CADM1: variants seen among roughly 807,000 people sequenced by gnomAD.
The protein encoded by CADM1 is cell adhesion molecule 1, also known as TSLC-1.
In CADM1, 15 loss-of-function variants were observed where a neutral mutation model predicts 53.1. The ratio of observed to expected loss-of-function variants is 0.28; its 90% CI spans 0.19 to 0.44. The LOEUF is 0.44. CADM1 is among the 20% of genes least tolerant of loss of function. The probability of loss-of-function intolerance (pLI) is 1.00; values close to 1 mark genes in which losing one functional copy is unlikely to be tolerated. For missense variants in CADM1, 434 were observed against 611.3 expected, an observed-to-expected ratio of 0.71 and a Z score of 3.06; for synonymous variants, 281 against 243.0, an observed-to-expected ratio of 1.16 and a Z score of -1.45.
chr11:115,493,705 C>T (rs77653045), intron 1 of CADM1, among the ~76,000 whole-genome samples: 6,032 of 152,214 alleles, frequency 0.04, 170 homozygotes, highest in Middle Eastern at 0.092. Context: ...GCAGTATCAG[C>T]TATGCAGGGT....
chr11:115,189,656 C>T (rs184728220), intron 10 of CADM1, among the ~76,000 whole-genome samples: 2 of 152,312 alleles, frequency 1.3e-5, no homozygotes, highest in East Asian at 3.9e-4. Flanking sequence ...AAATGAAACA[C>T]TCTCTTGATT....
intron 1 of CADM1, among the ~76,000 whole-genome samples, chr11:115,275,170 G>A (rs969903999): frequency 3.4e-4 from 51 of 152,108 alleles, no homozygotes; most frequent in African/African-American, 1.1e-3. Context: ...GCCCCTCCCC[G>A]TGGGAGCCAC....
At chr11:115,402,348 C>A (rs1347141668) in intron 1 of CADM1, among the ~76,000 whole-genome samples, 2 of 152,044 alleles carry the variant, frequency 1.3e-5, no homozygotes, top group Non-Finnish European at 2.9e-5. Flanking sequence ...TATGGTGAAA[C>A]CCTGTCTCTA....
chr11:115,280,887 A>C (rs1300736921), intron 1 of CADM1, among the ~76,000 whole-genome samples: 1 of 152,258 alleles, frequency 6.6e-6, no homozygotes, highest in East Asian at 1.9e-4. Flanking sequence ...TACCATGAGA[A>C]GTGACCTATC....
At chr11:115,375,978 A>G (rs908322786) in intron 1 of CADM1, among the ~76,000 whole-genome samples, 2 of 152,174 alleles carry the variant, frequency 1.3e-5, no homozygotes, top group African/African-American at 4.8e-5. Flanking sequence ...AAAGGTGGTT[A>G]TAATTATTAA....
chr11:115,296,533 T>C (rs1944083770), intron 1 of CADM1, among the ~76,000 whole-genome samples: 1 of 152,150 alleles, frequency 6.6e-6, no homozygotes. Context: ...GAGTGGGTTG[T>C]TATAAAGCCA....
intron 10 of CADM1, among the ~76,000 whole-genome samples, chr11:115,180,136 C>T (rs767579802): frequency 3.0e-4 from 45 of 152,244 alleles, no homozygotes; most frequent in Admixed American, 3.3e-4. Flanking sequence ...CCTGATACAA[C>T]GCTTTCAGCA....
intron 1 of CADM1, chr11:115,256,804 T>A: frequency 2.2e-6 from 1 of 456,092 alleles, no homozygotes; most frequent in Non-Finnish European, 4.4e-6. Flanking sequence ...AAGTTTGTTC[T>A]TATATGAAAG....
chr11:115,491,384 T>G (rs1949493302), intron 1 of CADM1, among the ~76,000 whole-genome samples: 2 of 151,858 alleles, frequency 1.3e-5, no homozygotes, highest in South Asian at 4.2e-4. Flanking sequence ...GCTAACACGG[T>G]GAAACCCCAT....
chr11:115,385,740 C>A (rs45608938), intron 1 of CADM1, among the ~76,000 whole-genome samples: 2 of 152,118 alleles, frequency 1.3e-5, no homozygotes, highest in African/African-American at 4.8e-5. Flanking sequence ...GTAGATAAAG[C>A]CTTAATTTCA....
chr11:115,350,509 C>CTT (rs34913142), intron 1 of CADM1, among the ~76,000 whole-genome samples: 4,267 of 138,002 alleles, frequency 0.031, 136 homozygotes, highest in Non-Finnish European at 0.039. Context: ...TTCTTTTTTT[C>CTT]TTTTTTTTTT....
chr11:115,367,641 T>C (rs1055888944), intron 1 of CADM1, among the ~76,000 whole-genome samples: 3 of 152,190 alleles, frequency 2.0e-5, no homozygotes, highest in Admixed American at 2.0e-4. Flanking sequence ...ACTTTTAGCA[T>C]ACTTATATGC....
chr11:115,347,883 A>G (rs1320912425), intron 1 of CADM1, among the ~76,000 whole-genome samples: 5 of 152,208 alleles, frequency 3.3e-5, no homozygotes, highest in African/African-American at 1.2e-4. Context: ...AGCCAATAGT[A>G]TCCTCCATTA....
intron 1 of CADM1, among the ~76,000 whole-genome samples, chr11:115,276,404 G>T (rs1054523515): frequency 6.6e-6 from 1 of 152,204 alleles, no homozygotes; most frequent in Non-Finnish European, 1.5e-5. Flanking sequence ...AGAAGGAAAA[G>T]AGGTAGCTGC....
At chr11:115,214,021 CATG>C (rs554006182) in intron 7 of CADM1, among the ~76,000 whole-genome samples, 5 of 152,088 alleles carry the variant, frequency 3.3e-5, no homozygotes, top group African/African-American at 9.6e-5. Flanking sequence ...GAATAAAATT[CATG>C]ATGTTTTAAT....
At chr11:115,312,250 G>T (rs746865179) in intron 1 of CADM1, among the ~76,000 whole-genome samples, 2 of 152,080 alleles carry the variant, frequency 1.3e-5, no homozygotes, top group Non-Finnish European at 2.9e-5. Flanking sequence ...AAATTTCAGG[G>T]ACTCTATTTT....
intron 1 of CADM1, among the ~76,000 whole-genome samples, chr11:115,455,458 T>C (rs1028443619): frequency 2.6e-5 from 4 of 151,876 alleles, no homozygotes; most frequent in African/African-American, 7.3e-5. Flanking sequence ...AAAATGCCCA[T>C]ATATATCTCT....
At chr11:115,277,514 G>A (rs982033525) in intron 1 of CADM1, among the ~76,000 whole-genome samples, 2 of 152,144 alleles carry the variant, frequency 1.3e-5, no homozygotes. Context: ...CGAATTCAGA[G>A]ATTAAAACAA....
At chr11:115,393,533 A>G (rs1054967938) in intron 1 of CADM1, among the ~76,000 whole-genome samples, 3 of 150,838 alleles carry the variant, frequency 2.0e-5, no homozygotes, top group African/African-American at 7.3e-5. Flanking sequence ...AGTATTAGAA[A>G]AAAGAGCAAA....
Sources: allele counts gnomAD v4.1 joint callset (sites outside exome capture counted in the v4.1 genomes callset), GRCh38; gene constraint gnomAD v4.1.1; transcripts MANE v1.5; gene names NCBI Gene and HGNC (gene_info 2026-07-23, HGNC 2026-07-21).